Variants in UBE2E1 observed in about 807,000 individuals in gnomAD.
UBE2E1 encodes the protein ubiquitin conjugating enzyme E2 E1, also known as ubiquitin-conjugating enzyme E2 E1.
Under a neutral mutation model 21.4 loss-of-function variants are expected in UBE2E1, and 6 were observed. The observed-to-expected ratio is 0.28, with a 90% CI of 0.15 to 0.55. UBE2E1 has a LOEUF of 0.55. Among genes scored for constraint, UBE2E1 ranks in the 20% least tolerant of loss-of-function variants. The pLI, the probability that UBE2E1 is intolerant of heterozygous loss-of-function variation, is 0.93. For synonymous variants in UBE2E1, 87 were observed against 82.7 expected (o/e 1.05, Z -0.28); for missense variants, 142 against 236.5 (o/e 0.60, Z 2.62).
chr3:23,886,155 A>G (rs1276294343), intron 3 of UBE2E1, among the ~76,000 whole-genome samples: 1 of 152,204 alleles, frequency 6.6e-6, no homozygotes, highest in Admixed American at 6.5e-5. Context: ...ACCCGAGATC[A>G]TGCCACTCAC....
intron 3 of UBE2E1, among the ~76,000 whole-genome samples, chr3:23,872,886 G>A (rs1481567738): frequency 2.0e-5 from 3 of 151,828 alleles, no homozygotes; most frequent in African/African-American, 4.8e-5. Context: ...GCGTGGTGGC[G>A]CATGCCTGTA....
rs997570735 is a variant in UBE2E1, at chr3:23,870,968, A to G, written c.204-16599A>G. Among the ~76,000 whole-genome samples, 1 of 152,240 alleles carries G rather than the reference A, an allele frequency of 6.6e-6. No individual in the cohort carries two copies. The highest frequency in any genetic ancestry group is 6.5e-5 in the Admixed American group (1 of 15,292). ...ATTTAACCCTGAGTGGACACAGCAC[A>G]TGTTTCAGAGGGCACAGGGTTGGGG... On this transcript the variant is annotated intron_variant, in intron 3 of 5. Transcript: ENST00000306627. The surrounding 1 kb of genome is among the most constrained non-coding windows in gnomAD (Gnocchi z 4.2).
chr3:23,810,496 C>T lies in UBE2E1; in HGVS notation c.153-964C>T, dbSNP rs1174394507. 4 of 1,535,672 alleles carry T rather than the reference C, an allele frequency of 2.6e-6. No homozygotes were observed. In the Admixed American group the frequency reaches 7.8e-5, roughly 30 times the overall value. Reference sequence around the variant, plus strand: ...GGACCATGAAGGAAGTGGGCAGACCCCGGGAAGTTAGAGGACGCCCGGGGA... The same window carrying T: ...GGACCATGAAGGAAGTGGGCAGACCTCGGGAAGTTAGAGGACGCCCGGGGA... On this transcript the variant is annotated intron_variant, in intron 2 of 5. Coordinates refer to ENST00000306627, the MANE Select transcript of UBE2E1 (RefSeq NM_003341.5). The surrounding 1 kb of genome is among the most constrained non-coding windows in gnomAD (Gnocchi z 5.8).
intron 3 of UBE2E1, among the ~76,000 whole-genome samples, chr3:23,814,256 A>G (rs1376839126): frequency 1.3e-5 from 2 of 152,232 alleles, no homozygotes; most frequent in African/African-American, 4.8e-5. Context: ...AAATATTTGA[A>G]GTTACTGAGC....
At chr3:23,839,680 C>G (rs1457291732) in intron 3 of UBE2E1, among the ~76,000 whole-genome samples, 1 of 150,260 alleles carries the variant, frequency 6.7e-6, no homozygotes, top group Non-Finnish European at 1.5e-5. Flanking sequence ...AAATCTTTGT[C>G]TTTTTTTTTG....
At chr3:23,811,588 T>C (rs1441575397) in intron 3 of UBE2E1, 78 bp downstream of exon 3, 5 of 1,375,888 alleles carry the variant, frequency 3.6e-6, no homozygotes, top group East Asian at 2.4e-5. Flanking sequence ...TATTATATAC[T>C]TTTTCTTTGA....
intron 3 of UBE2E1, among the ~76,000 whole-genome samples, chr3:23,862,978 G>A (rs2125314591): frequency 6.6e-6 from 1 of 151,186 alleles, no homozygotes; most frequent in East Asian, 1.9e-4. Flanking sequence ...CTCCCACCTT[G>A]GCCTCCCAAT....
At chr3:23,848,647 T>A (rs911100839) in intron 3 of UBE2E1, among the ~76,000 whole-genome samples, 1 of 152,136 alleles carries the variant, frequency 6.6e-6, no homozygotes, top group African/African-American at 2.4e-5. Flanking sequence ...TGTGATATAA[T>A]CAGTAACTAC....
At position 23,807,362 on chromosome 3, in the gene UBE2E1, G is replaced by C; in HGVS notation, c.93G>C (p.Lys31Asn). The change falls in exon 2 of 6, where the codon AAG becomes AAC. Residue 31 changes from lysine (K) to asparagine (N), a missense_variant. Physicochemically the swap from Lys to Asn is moderately conservative, Grantham distance 94. Coordinates refer to ENST00000306627, the MANE Select transcript of UBE2E1 (RefSeq NM_003341.5). ...QTEKETNTPKKKESKVSMSKN... is the reference protein window; with the variant it reads ...QTEKETNTPKNKESKVSMSKN... ...AGAAAGAAACAAACACCCCCAAGAA[G>C]AAGGAGAGTAAAGTCAGCATGAGCA... 1 of 1,613,822 alleles carries C rather than the reference G, an allele frequency of 6.2e-7. No individual in the cohort carries two copies. The highest frequency in any genetic ancestry group is 8.5e-7 in the Non-Finnish European group (1 of 1,179,924).
chr3:23,853,592 T>C lies in UBE2E1; in HGVS notation c.204-33975T>C, dbSNP rs147806824. 5.2e-4 allele frequency among the ~76,000 whole-genome samples: 79 copies of C among 152,328 alleles called. No individual in the cohort carries two copies. Among genetic ancestry groups the C allele is most frequent in the Admixed American group, 4.7e-3 (72 of 15,298 alleles). On this transcript the variant is annotated intron_variant, in intron 3 of 5. Coordinates refer to ENST00000306627, the MANE Select transcript of UBE2E1 (RefSeq NM_003341.5). The surrounding 1 kb of genome is among the most constrained non-coding windows in gnomAD (Gnocchi z 4.1). ...TTTTAGCTGTTAAATTTAGGTCTCTTCATTTCTGTTCACAATTCAGTCTTT... is the reference window on the plus strand; with the variant it reads ...TTTTAGCTGTTAAATTTAGGTCTCTCCATTTCTGTTCACAATTCAGTCTTT...
intron 3 of UBE2E1, chr3:23,879,577 A>G (rs1700990004): frequency 1.1e-5 from 3 of 267,730 alleles, no homozygotes; most frequent in South Asian, 4.5e-5. Context: ...TGATCCAGCT[A>G]TAAGACTAAC....
intron 3 of UBE2E1, among the ~76,000 whole-genome samples, chr3:23,866,061 A>C (rs1215668484): frequency 6.6e-6 from 1 of 152,210 alleles, no homozygotes; most frequent in African/African-American, 2.4e-5. Flanking sequence ...CTCCAAGCCC[A>C]GCCCTGTATT....
intron 3 of UBE2E1, among the ~76,000 whole-genome samples, chr3:23,862,141 C>T (rs1700572628): frequency 6.6e-6 from 1 of 152,234 alleles, no homozygotes; most frequent in Non-Finnish European, 1.5e-5. Context: ...TTGAGCCACA[C>T]CCCCATCACA....
At chr3:23,812,307 T>C (rs550054092) in intron 3 of UBE2E1, among the ~76,000 whole-genome samples, 8 of 152,284 alleles carry the variant, frequency 5.3e-5, no homozygotes, top group Admixed American at 3.9e-4. Flanking sequence ...AAAAATTAAG[T>C]ATAACATTTA....
intron 5 of UBE2E1, among the ~76,000 whole-genome samples, chr3:23,890,239 T>G (rs946489688): frequency 8.6e-5 from 13 of 151,996 alleles, no homozygotes; most frequent in African/African-American, 3.1e-4. Context: ...GTAAAGAAAC[T>G]CCAATTGAGT....
At position 23,889,246 on chromosome 3, in the gene UBE2E1, A is replaced by C. The variant is rs2125332829; in HGVS notation, c.471A>C (p.Thr157=). Residue 157 remains threonine, a synonymous_variant, in exon 5 of 6, where the codon ACA becomes ACC. Coordinates refer to ENST00000306627, the MANE Select transcript of UBE2E1 (RefSeq NM_003341.5). ...KVLLSICSLL[T]DCNPADPLVG... ...TCCTTTCTATCTGCTCACTTCTTAC[A>C]GACTGTAATCCTGGTAAGGTTCATA... 2 of 1,613,886 alleles carry C rather than the reference A, an allele frequency of 1.2e-6. No homozygotes were observed. The highest frequency in any genetic ancestry group is 1.7e-6 in the Non-Finnish European group (2 of 1,179,962).
At chr3:23,832,578 G>C (rs1250319419) in intron 3 of UBE2E1, among the ~76,000 whole-genome samples, 2 of 152,138 alleles carry the variant, frequency 1.3e-5, no homozygotes, top group Non-Finnish European at 2.9e-5. Context: ...CCGGGAGGTG[G>C]AGGTTGCAGT....
chr3:23,845,301 C>T (rs1700172621), intron 3 of UBE2E1, among the ~76,000 whole-genome samples: 2 of 152,168 alleles, frequency 1.3e-5, no homozygotes, highest in African/African-American at 4.8e-5. Context: ...GCATTGCACA[C>T]TCTTCAGGAG....
chr3:23,820,064 C>A (rs915236592), intron 3 of UBE2E1, among the ~76,000 whole-genome samples: 1 of 152,146 alleles, frequency 6.6e-6, no homozygotes, highest in Non-Finnish European at 1.5e-5. Context: ...TAGAGATGGT[C>A]CCCCAAGTCC....
Sources: allele counts gnomAD v4.1 joint callset (sites outside exome capture counted in the v4.1 genomes callset), GRCh38; gene constraint gnomAD v4.1.1; non-coding constraint Gnocchi (gnomAD v3.1); transcripts MANE v1.5; gene names NCBI Gene and HGNC (gene_info 2026-07-23, HGNC 2026-07-21).